ACCSL: variants seen among roughly 807,000 people sequenced by gnomAD.
ACCSL encodes the protein 1-aminocyclopropane-1-carboxylate synthase homolog (inactive) like, also known as probable inactive 1-aminocyclopropane-1-carboxylate synthase-like protein 2.
Under a neutral mutation model 61.7 loss-of-function variants are expected in ACCSL, and 55 were observed. The ratio of observed to expected loss-of-function variants is 0.89; its 90% CI spans 0.72 to 1.12. ACCSL has a LOEUF of 1.12. ACCSL is among the 50% of genes most tolerant of loss of function. The pLI is 0.00. For missense variants in ACCSL, 632 were observed against 698.0 expected (o/e 0.91, Z 1.07); for synonymous variants, 258 against 264.3 (o/e 0.98, Z 0.23).
At chr11:43,997,953 C>T in the ACCSL span, among the ~76,000 whole-genome samples, 2 of 152,180 alleles carry the variant, frequency 1.3e-5, no homozygotes, top group East Asian at 1.9e-4. Flanking sequence ...AGCCACCCAG[C>T]GGTGTCTGTC....
chr11:44,014,453 G>A, the ACCSL span, among the ~76,000 whole-genome samples: 1 of 151,350 alleles, frequency 6.6e-6, no homozygotes, highest in Non-Finnish European at 1.5e-5. Flanking sequence ...TGGCTTCCCC[G>A]AGAGCAATGA....
the ACCSL span, among the ~76,000 whole-genome samples, chr11:44,023,738 A>T: frequency 6.6e-6 from 1 of 150,946 alleles, no homozygotes; most frequent in Non-Finnish European, 1.5e-5. Flanking sequence ...GTGGAAAGTT[A>T]GGTTATTTAT....
chr11:44,019,797 C>T, the ACCSL span, among the ~76,000 whole-genome samples: 25 of 152,110 alleles, frequency 1.6e-4, no homozygotes, highest in African/African-American at 2.4e-5. Context: ...ATTGTACTTT[C>T]AGTGCCATAT....
chr11:44,054,863 C>T (rs1177537505), intron 8 of ACCSL, among the ~76,000 whole-genome samples: 3 of 152,186 alleles, frequency 2.0e-5, no homozygotes, highest in African/African-American at 7.2e-5. Flanking sequence ...GTTAAAAATT[C>T]TCTGGGCTAC....
the ACCSL span, among the ~76,000 whole-genome samples, chr11:44,037,869 A>G: frequency 0.24 from 35,785 of 149,642 alleles, 4,663 homozygotes; most frequent in East Asian, 0.38. Context: ...TCATCCATCC[A>G]TGCATCCATC....
At chr11:44,023,438 G>A in the ACCSL span, among the ~76,000 whole-genome samples, 31 of 152,154 alleles carry the variant, frequency 2.0e-4, no homozygotes, top group African/African-American at 7.0e-4. Flanking sequence ...ATCTTTTGGC[G>A]TATGTGGTTT....
In ACCSL at chr11:44,058,461, T is replaced by G; in HGVS notation, c.1470+2T>G. ...TATGTCTGGATCAACTTGAAAAAGGTGTGTTCTGGGAATGAGGACAGGTGT... is the reference window on the plus strand; with the variant it reads ...TATGTCTGGATCAACTTGAAAAAGGGGTGTTCTGGGAATGAGGACAGGTGT... On this transcript the variant is annotated splice_donor_variant, in intron 12 of 13. Coordinates refer to ENST00000378832, the MANE Select transcript of ACCSL (RefSeq NM_001031854.2). LOFTEE classifies it high-confidence loss of function. 1 of 1,614,096 alleles carries G rather than the reference T, an allele frequency of 6.2e-7. No individual in the cohort carries two copies. The highest frequency in any genetic ancestry group is 8.5e-7 in the Non-Finnish European group (1 of 1,180,014).
At chr11:43,959,608 C>T in the ACCSL span, among the ~76,000 whole-genome samples, 4 of 152,302 alleles carry the variant, frequency 2.6e-5, no homozygotes, top group South Asian at 2.1e-4. Context: ...CGGTGGCAGA[C>T]CCTAGCCCTG....
At chr11:43,999,475 C>T in the ACCSL span, among the ~76,000 whole-genome samples, 1 of 152,074 alleles carries the variant, frequency 6.6e-6, no homozygotes, top group African/African-American at 2.4e-5. Context: ...GAATTTAGTT[C>T]CTGAGGGTTT....
At chr11:44,051,752 GA>G (rs1406682003) in intron 5 of ACCSL, 33 bp downstream of exon 5, 20 of 1,611,860 alleles carry the variant, frequency 1.2e-5, no homozygotes, top group Non-Finnish European at 1.7e-5. Context: ...CACTCTCAGT[GA>G]AATACTAGCA....
At chr11:44,020,284 T>G in the ACCSL span, among the ~76,000 whole-genome samples, 26,483 of 137,514 alleles carry the variant, frequency 0.19, 2,409 homozygotes, top group East Asian at 0.34. Context: ...TAGAGATAGT[T>G]TTACTCCTTT....
the ACCSL span, among the ~76,000 whole-genome samples, chr11:44,020,409 A>G: frequency 6.6e-6 from 1 of 152,172 alleles, no homozygotes; most frequent in Admixed American, 6.5e-5. Context: ...TGTTCTTGAT[A>G]TTACAAGGAG....
chr11:43,953,783 A>G, the ACCSL span, among the ~76,000 whole-genome samples: 3 of 152,144 alleles, frequency 2.0e-5, no homozygotes, highest in Admixed American at 6.6e-5. Flanking sequence ...AAAATTGATG[A>G]CTAATTCACC....
At chr11:43,943,065 A>G in the ACCSL span, 1 of 1,503,396 alleles carries the variant, frequency 6.7e-7, no homozygotes, top group Non-Finnish European at 8.9e-7. This position sits in a 1 kb window ranked among gnomAD's most constrained non-coding sequence, Gnocchi z 4.8. Context: ...TCTCGCTTCA[A>G]GACGCAGCCG....
At chr11:44,043,706 C>G (rs1390305409), upstream of ACCSL, among the ~76,000 whole-genome samples, 1 of 152,106 alleles carries the variant, frequency 6.6e-6, no homozygotes, top group African/African-American at 2.4e-5. Flanking sequence ...TAGATTTTTT[C>G]ATATTCTCTT....
the ACCSL span, among the ~76,000 whole-genome samples, chr11:43,976,860 A>C: frequency 6.6e-6 from 1 of 152,216 alleles, no homozygotes; most frequent in Admixed American, 6.5e-5. Flanking sequence ...TGAACACATT[A>C]TAGTGTCTCA....
the ACCSL span, among the ~76,000 whole-genome samples, chr11:43,966,580 A>G: frequency 1.3e-5 from 2 of 152,238 alleles, no homozygotes; most frequent in Non-Finnish European, 2.9e-5. Flanking sequence ...AACTCTTACA[A>G]CTCAACAACA....
At chr11:43,958,647 G>A in the ACCSL span, among the ~76,000 whole-genome samples, 3 of 152,210 alleles carry the variant, frequency 2.0e-5, no homozygotes, top group African/African-American at 7.2e-5. Flanking sequence ...CTATCGGAGG[G>A]CTTACAATTT....
chr11:43,966,949 A>C, the ACCSL span, among the ~76,000 whole-genome samples: 1 of 151,974 alleles, frequency 6.6e-6, no homozygotes, highest in Non-Finnish European at 1.5e-5. Flanking sequence ...CATTATGTAT[A>C]TGCTGTCTCT....
Sources: allele counts gnomAD v4.1 joint callset (sites outside exome capture counted in the v4.1 genomes callset), GRCh38; gene constraint gnomAD v4.1.1; non-coding constraint Gnocchi (gnomAD v3.1); transcripts MANE v1.5; gene names NCBI Gene and HGNC (gene_info 2026-07-23, HGNC 2026-07-21).